ZBTB7A: variants seen among roughly 807,000 people sequenced by gnomAD.
ZBTB7A encodes zinc finger and BTB domain containing 7A.
In ZBTB7A, 7 loss-of-function variants were observed where a neutral mutation model predicts 26.7. The observed-to-expected ratio is 0.26, with a 90% confidence interval of 0.15 to 0.49. The LOEUF (loss-of-function observed/expected upper bound fraction) is 0.49, where lower values mean the gene tolerates loss of function less well. ZBTB7A is among the 20% of genes least tolerant of loss of function. The probability of loss-of-function intolerance (pLI) is 0.98; values close to 1 mark genes in which losing one functional copy is unlikely to be tolerated. For synonymous variants in ZBTB7A, 452 were observed against 441.0 expected, an observed-to-expected ratio of 1.02 and a Z score of -0.31; for missense variants, 617 against 919.5, an observed-to-expected ratio of 0.67 and a Z score of 4.25.
In ZBTB7A at chr19:4,051,420, C is replaced by A. The variant is rs370270323; in HGVS notation, c.1262+2551G>T. 7.2e-5 allele frequency among the ~76,000 whole-genome samples: 11 copies of A among 152,210 alleles called. No homozygotes were observed. The East Asian group carries it at 1.5e-3, about 21-fold the overall frequency. The stretch of plus-strand genomic sequence containing the variant: ...TTTCCTAATTCCCAAAGACCTGGCT[C>A]CCCTCTGGGTTCCTCCAGCCCTAAG... On this transcript the variant is annotated intron_variant, in intron 2 of 2. Coordinates refer to ENST00000322357, the MANE Select transcript of ZBTB7A (RefSeq NM_015898.4).
rs958724038 is a variant in ZBTB7A at position 4,043,330 on chromosome 19, C to CT, written c.*4421dup. On this transcript the variant is annotated 3_prime_UTR_variant, in exon 3 of 3. Coordinates refer to ENST00000322357, the MANE Select transcript of ZBTB7A (RefSeq NM_015898.4). ...TCGTAACAGGCTGCGTTTAGTGGTT[C>CT]TTTTTTTTTTTTTATGTACAAGAAA... Among the ~76,000 whole-genome samples, 178 of 128,152 alleles carry CT rather than the reference C, an allele frequency of 1.4e-3. 1 individual carries two copies. The highest frequency in any genetic ancestry group is 9.7e-3 in the South Asian group (37 of 3,830). The allele number at this position is 128,152 out of a possible 152,430, so 84.1% of individuals were successfully genotyped here.
At chr19:4,064,937 C>T (rs1031683128) in intron 1 of ZBTB7A, among the ~76,000 whole-genome samples, 1 of 152,064 alleles carries the variant, frequency 6.6e-6, no homozygotes, top group African/African-American at 2.4e-5. Flanking sequence ...CCGTGCGCCC[C>T]CGCCAGCCAG....
At position 4,043,969 on chromosome 19, in the gene ZBTB7A, A is replaced by AT. The variant is rs149085774; in HGVS notation, c.*3782dup. ...TTTGCTTTTTTTGTTGGTTTTTAAT[A>AT]TTTTTTTTTCTTCTGTTTTTCCTTT... On this transcript the variant is annotated 3_prime_UTR_variant, in exon 3 of 3. Coordinates refer to ENST00000322357, the MANE Select transcript of ZBTB7A (RefSeq NM_015898.4). Among the ~76,000 whole-genome samples the AT allele has an allele frequency of 6.7e-5, 10 of 150,340 alleles. No individual in the cohort carries two copies. Among genetic ancestry groups the AT allele is most frequent in the East Asian group, 2.0e-4 (1 of 5,082 alleles).
chr19:4,061,501 G>A (rs1400891505), intron 1 of ZBTB7A: 3 of 152,224 alleles, frequency 2.0e-5, no homozygotes, highest in Non-Finnish European at 2.9e-5. Context: ...GCAGTGTCCC[G>A]ATCGGGGGGC....
rs951017837 is a variant in ZBTB7A, at chr19:4,048,316, C to T, written c.1263-72G>A. The T allele has an allele frequency of 5.4e-5, 79 of 1,472,488 alleles. No individual in the cohort carries two copies. Among genetic ancestry groups the T allele is most frequent in the Admixed American group, 1.1e-4 (4 of 36,608 alleles). 91.2% of individuals were successfully genotyped at this position (1,472,488 alleles called of 1,614,324 possible). A position where few individuals can be genotyped will look rare whatever the true frequency, so the allele number is the denominator to read the frequency against. On this transcript the variant is annotated intron_variant, in intron 2 of 2. Transcript: ENST00000322357. This position sits in a 1 kb window ranked among gnomAD's most constrained non-coding sequence, Gnocchi z 6.7. ...CCCGATCCCCGCCCAGGGACCCTCACGGACACGGCAGGCCCTGGATCATCA... is the reference window on the plus strand; with the variant it reads ...CCCGATCCCCGCCCAGGGACCCTCATGGACACGGCAGGCCCTGGATCATCA...
rs771545015 is a variant in ZBTB7A, at chr19:4,048,253, G to C, written c.1263-9C>G. The C allele has an allele frequency of 2.5e-6, 4 of 1,576,772 alleles. No individual in the cohort carries two copies. Among genetic ancestry groups the C allele is most frequent in the Admixed American group, 1.8e-5 (1 of 55,966 alleles). On this transcript the variant is annotated splice_polypyrimidine_tract_variant and intron_variant, in intron 2 of 2. Coordinates refer to ENST00000322357, the MANE Select transcript of ZBTB7A (RefSeq NM_015898.4). The surrounding 1 kb of genome is among the most constrained non-coding windows in gnomAD (Gnocchi z 6.7). ...CCTTCAGCTTGTCCTGCCTGTGGAC[G>C]GGGCACGGGGCGGGCACGGTCAGTG...
chr19:4,054,165 G>A lies in ZBTB7A; in HGVS notation c.1068C>T (p.Phe356=). The change falls in exon 2 of 3, where the codon TTC becomes TTT. Residue 356 remains phenylalanine, a synonymous_variant. Transcript: ENST00000322357. ...KGVMDYYLKY[F]SGAHDGDVYP... ...AGACGTCGCCGTCGTGGGCGCCGCT[G>A]AAGTACTTCAGGTAGTAGTCCATGA... 1 of 1,601,540 alleles carries A rather than the reference G, an allele frequency of 6.2e-7. No individual in the cohort carries two copies. The highest frequency in any genetic ancestry group is 8.5e-7 in the Non-Finnish European group (1 of 1,179,524).
At chr19:4,053,080 C>T (rs954503936) in intron 2 of ZBTB7A, among the ~76,000 whole-genome samples, 3 of 152,210 alleles carry the variant, frequency 2.0e-5, no homozygotes, top group Non-Finnish European at 4.4e-5. Flanking sequence ...GAGGGCCTGT[C>T]ACCCTCTCCC....
intron 1 of ZBTB7A, among the ~76,000 whole-genome samples, chr19:4,056,640 C>T (rs1027423813): frequency 2.0e-5 from 3 of 152,062 alleles, no homozygotes; most frequent in African/African-American, 4.8e-5. Context: ...GAGGCCGAGG[C>T]GGGCAGATCA....
chr19:4,054,647 C>T lies in ZBTB7A; in HGVS notation c.586G>A (p.Asp196Asn), dbSNP rs1472557388. 1 of 1,598,368 alleles carries T rather than the reference C, an allele frequency of 6.3e-7. No individual in the cohort carries two copies. The highest frequency in any genetic ancestry group is 8.5e-7 in the Non-Finnish European group (1 of 1,173,720). Residue 196 changes from aspartate to asparagine, a missense_variant, in exon 2 of 3, where the codon GAT (aspartate) becomes AAT (asparagine). Coordinates refer to ENST00000322357, the MANE Select transcript of ZBTB7A (RefSeq NM_015898.4). ...SAFGASDDDL[D>N]ATKEAVAAAV... The stretch of plus-strand genomic sequence containing the variant: ...GCGGCCACGGCCTCCTTGGTGGCAT[C>T]CAGGTCATCATCGGACGCCCCAAAG...
intron 2 of ZBTB7A, among the ~76,000 whole-genome samples, chr19:4,053,184 A>G (rs576053759): frequency 1.6e-4 from 24 of 152,332 alleles, no homozygotes; most frequent in African/African-American, 5.8e-4. Flanking sequence ...CACCTCCCGC[A>G]GCTCAACCCT....
rs778438466 is a variant in ZBTB7A at position 4,054,473 on chromosome 19, C to T, written c.760G>A (p.Gly254Arg). ...WPERDEDAPT[G>R]GLFPPPVAPP... ...GCCACCGGCGGCGGAAAGAGACCCC[C>T]GGTGGGGGCGTCCTCATCCCGCTCT... Residue 254 changes from glycine (G) to arginine (R), a missense_variant, in exon 2 of 3, where the codon GGG becomes AGG. Physicochemically the swap from Gly to Arg is moderately radical, Grantham distance 125. This residue lies in a region of ZBTB7A where 331 missense variants were observed against 391.3 expected (regional missense o/e 0.85). Transcript: ENST00000322357. 4.4e-6 allele frequency: 6 copies of T among 1,372,324 alleles called. No homozygotes were observed. The highest frequency in any genetic ancestry group is 5.6e-6 in the Non-Finnish European group (6 of 1,071,452). 85.0% of individuals were successfully genotyped at this position (1,372,324 alleles called of 1,614,324 possible).
intron 1 of ZBTB7A, among the ~76,000 whole-genome samples, chr19:4,058,407 G>C (rs1427512700): frequency 6.6e-6 from 1 of 151,836 alleles, no homozygotes; most frequent in African/African-American, 2.4e-5. Flanking sequence ...GGGCCCTGGG[G>C]GGACTGTGTC....
rs1424194245 is a variant in ZBTB7A, at chr19:4,046,016, AGGCG to A, written c.*1732_*1735del. On this transcript the variant is annotated 3_prime_UTR_variant, in exon 3 of 3. Coordinates refer to ENST00000322357, the MANE Select transcript of ZBTB7A (RefSeq NM_015898.4). ...TCCTTGGTGGCCATGCGGGAGGGACAGGCGTGTTGGGGGATTGGGGGGTGCCGGA... is the reference window on the plus strand; with the variant it reads ...TCCTTGGTGGCCATGCGGGAGGGACATGTTGGGGGATTGGGGGGTGCCGGA... 1 of 391,322 alleles carries A rather than the reference AGGCG, an allele frequency of 2.6e-6. No homozygotes were observed. The highest frequency in any genetic ancestry group is 4.5e-6 in the Non-Finnish European group (1 of 221,460). 24.2% of individuals were successfully genotyped at this position (391,322 alleles called of 1,614,324 possible). A position where few individuals can be genotyped will look rare whatever the true frequency, so the allele number is the denominator to read the frequency against.
intron 2 of ZBTB7A, among the ~76,000 whole-genome samples, chr19:4,050,920 G>A (rs1247608203): frequency 1.3e-5 from 2 of 151,756 alleles, no homozygotes; most frequent in African/African-American, 4.8e-5. Flanking sequence ...CCAACGTGGT[G>A]AAACCCCGTC....
At chr19:4,056,536 C>G (rs1166426924) in intron 1 of ZBTB7A, among the ~76,000 whole-genome samples, 1 of 152,146 alleles carries the variant, frequency 6.6e-6, no homozygotes, top group Non-Finnish European at 1.5e-5. Flanking sequence ...AGACCAGCGA[C>G]CAGCCTGGCC....
In ZBTB7A at chr19:4,054,135, C is replaced by T. The variant is rs1431060658; in HGVS notation, c.1098G>A (p.Pro366=). 13 of 1,605,876 alleles carry T rather than the reference C, an allele frequency of 8.1e-6. No individual in the cohort carries two copies. The highest frequency in any genetic ancestry group is 1.1e-5 in the Non-Finnish European group (13 of 1,179,798). The stretch of plus-strand genomic sequence containing the variant: ...TCTTCTCCACCTTCTGCGACCAGGC[C>T]GGGTAGACGTCGCCGTCGTGGGCGC... ...FSGAHDGDVY[P]AWSQKVEKKI... is the part of the protein sequence containing the mutation. The change falls in exon 2 of 3, where the codon CCG becomes CCA. Residue 366 remains proline (P), a synonymous_variant. Coordinates refer to ENST00000322357, the MANE Select transcript of ZBTB7A (RefSeq NM_015898.4).
rs71166952 is a variant in ZBTB7A, at chr19:4,051,096, C to CAAAAA, written c.1263-2857_1263-2853dup. Among the ~76,000 whole-genome samples, 14 of 42,424 alleles carry CAAAAA rather than the reference C, an allele frequency of 3.3e-4. 1 individual carries two copies. Among genetic ancestry groups the CAAAAA allele is most frequent in the African/African-American group, 8.9e-4 (9 of 10,162 alleles). 27.8% of individuals were successfully genotyped at this position (42,424 alleles called of 152,430 possible). The stretch of plus-strand genomic sequence containing the variant: ...CTGGGCGACAGAGCAAGACTCGTCT[C>CAAAAA]AAAAAAAAAAAAAAAAAAAAAAAAA... On this transcript the variant is annotated intron_variant, in intron 2 of 2. Transcript: ENST00000322357.
In ZBTB7A at chr19:4,052,252, G is replaced by C. The variant is rs892658802; in HGVS notation, c.1262+1719C>G. On this transcript the variant is annotated intron_variant, in intron 2 of 2. Coordinates refer to ENST00000322357, the MANE Select transcript of ZBTB7A (RefSeq NM_015898.4). This position sits in a 1 kb window ranked among gnomAD's most constrained non-coding sequence, Gnocchi z 4.9. ...GGGGTCACCACCTTCGCTCAGCCTG[G>C]TCCCCTCTGCAGACCCCAGTTCTCT... Among the ~76,000 whole-genome samples the C allele has an allele frequency of 1.3e-5, 2 of 152,110 alleles. No homozygotes were observed. Among genetic ancestry groups the C allele is most frequent in the African/African-American group, 4.8e-5 (2 of 41,414 alleles).
Sources: gnomAD v4.1 joint callset for allele counts (sites outside exome capture counted in the v4.1 genomes callset) on GRCh38, gnomAD v4.1.1 for gene constraint, gnomAD v4.1.1 regional missense constraint, Gnocchi (gnomAD v3.1) non-coding constraint, MANE v1.5 for transcripts, NCBI Gene and HGNC (gene_info 2026-07-23, HGNC 2026-07-21) for gene names.